DSCAM: variants seen among roughly 807,000 people sequenced by gnomAD.
DSCAM encodes the protein cell adhesion molecule DSCAM.
DSCAM carries 47 observed loss-of-function variants against 217.7 expected under a neutral mutation model. The ratio of observed to expected loss-of-function variants is 0.22; its 90% CI spans 0.17 to 0.28. DSCAM has a LOEUF of 0.28. Among genes scored for constraint, DSCAM ranks in the 10% least tolerant of loss-of-function variants. The pLI is 1.00. For synonymous variants in DSCAM, 1,056 were observed against 1,015.3 expected, an observed-to-expected ratio of 1.04 and a Z score of -0.76; for missense variants, 2,080 against 2,618.3, an observed-to-expected ratio of 0.79 and a Z score of 4.49.
chr21:40,194,861 A>G (rs1479277778), intron 11 of DSCAM, among the ~76,000 whole-genome samples: 1 of 152,132 alleles, frequency 6.6e-6, no homozygotes. Context: ...TGGTGGTAGT[A>G]TTTATACCAC....
In DSCAM at chr21:40,208,786, G is replaced by A. The variant is rs116530778; in HGVS notation, c.2357-19548C>T. ...TTGGGTTGCGAAACAGAAATATGGAGAGGCAGCTGCGGCTTTCACTGCCCT... is the reference window on the plus strand; with the variant it reads ...TTGGGTTGCGAAACAGAAATATGGAAAGGCAGCTGCGGCTTTCACTGCCCT... On this transcript the variant is annotated intron_variant, in intron 11 of 32. Transcript: ENST00000400454. Among the ~76,000 whole-genome samples the A allele has an allele frequency of 9.9e-3, 1,511 of 152,254 alleles. 30 individuals are homozygous for A. Among genetic ancestry groups the A allele is most frequent in the African/African-American group, 0.033 (1,357 of 41,542 alleles).
At chr21:40,769,939 C>T (rs965904943) in intron 1 of DSCAM, among the ~76,000 whole-genome samples, 3 of 152,188 alleles carry the variant, frequency 2.0e-5, no homozygotes, top group African/African-American at 4.8e-5. Context: ...CACTACCTGG[C>T]TATAAACTCC....
chr21:40,566,109 A>T (rs1477356017), intron 3 of DSCAM, among the ~76,000 whole-genome samples: 1 of 152,048 alleles, frequency 6.6e-6, no homozygotes, highest in Non-Finnish European at 1.5e-5. Context: ...TCTTTCACAT[A>T]TATTATTATT....
intron 1 of DSCAM, among the ~76,000 whole-genome samples, chr21:40,714,035 C>A (rs2090812928): frequency 6.6e-6 from 1 of 152,178 alleles, no homozygotes; most frequent in African/African-American, 2.4e-5. Context: ...TTGGTGGCAT[C>A]CATGTTGTGT....
intron 3 of DSCAM, among the ~76,000 whole-genome samples, chr21:40,478,662 A>C (rs2075957264): frequency 6.6e-6 from 1 of 152,200 alleles, no homozygotes; most frequent in East Asian, 1.9e-4. Flanking sequence ...TCTAACAATG[A>C]TCACTACTGT....
chr21:40,226,724 T>C (rs1351963639), intron 11 of DSCAM, among the ~76,000 whole-genome samples: 1 of 152,232 alleles, frequency 6.6e-6, no homozygotes, highest in East Asian at 1.9e-4. Context: ...ATGTTGTTTA[T>C]ACTTCAGCAA....
intron 3 of DSCAM, among the ~76,000 whole-genome samples, chr21:40,451,333 C>T (rs2075717727): frequency 6.6e-6 from 1 of 152,146 alleles, no homozygotes; most frequent in Non-Finnish European, 1.5e-5. Context: ...GCTTAGACAT[C>T]CCTTCTTTTT....
intron 9 of DSCAM, among the ~76,000 whole-genome samples, chr21:40,311,103 G>C (rs1194943274): frequency 6.6e-6 from 1 of 152,132 alleles, no homozygotes; most frequent in Non-Finnish European, 1.5e-5. Flanking sequence ...AAGGACATGA[G>C]AATCTCCTGC....
At chr21:40,497,759 T>G (rs745315181) in intron 3 of DSCAM, among the ~76,000 whole-genome samples, 6 of 152,212 alleles carry the variant, frequency 3.9e-5, no homozygotes, top group Non-Finnish European at 8.8e-5. Flanking sequence ...AATATACAAA[T>G]AAATTGTTTA....
chr21:40,315,444 A>G (rs931261101), intron 8 of DSCAM, among the ~76,000 whole-genome samples: 1 of 152,030 alleles, frequency 6.6e-6, no homozygotes, highest in Non-Finnish European at 1.5e-5. Context: ...GTTGTAAATA[A>G]TTGTAAAGTA....
chr21:40,682,819 G>A (rs113582607), intron 3 of DSCAM, among the ~76,000 whole-genome samples: 3 of 57,164 alleles, frequency 5.2e-5, no homozygotes, highest in South Asian at 8.3e-4. Context: ...GGAAGGGAAG[G>A]GAAGGGAAGG....
At chr21:40,367,016 T>C (rs2074840100) in intron 4 of DSCAM, among the ~76,000 whole-genome samples, 1 of 152,194 alleles carries the variant, frequency 6.6e-6, no homozygotes, top group Non-Finnish European at 1.5e-5. Context: ...ATTGAGCCGT[T>C]CCCCTGAGAG....
chr21:40,740,946 C>T (rs1334044195), intron 1 of DSCAM, among the ~76,000 whole-genome samples: 1 of 152,170 alleles, frequency 6.6e-6, no homozygotes, highest in Non-Finnish European at 1.5e-5. Context: ...GTCTCTCAAA[C>T]TGATTGACAA....
intron 2 of DSCAM, among the ~76,000 whole-genome samples, chr21:40,704,401 C>G (rs917103183): frequency 6.6e-6 from 1 of 152,088 alleles, no homozygotes; most frequent in Non-Finnish European, 1.5e-5. Flanking sequence ...TCATTTTATA[C>G]TATAATTTGT....
At chr21:40,030,522 G>C (rs2088500873) in intron 32 of DSCAM, among the ~76,000 whole-genome samples, 1 of 152,148 alleles carries the variant, frequency 6.6e-6, no homozygotes, top group Non-Finnish European at 1.5e-5. Context: ...GCTGAGCAAA[G>C]ATAAAGGCCA....
At position 40,264,895 on chromosome 21, in the gene DSCAM, C is replaced by G. The variant is rs1204199853; in HGVS notation, c.2356+11202G>C. On this transcript the variant is annotated intron_variant, in intron 11 of 32. Coordinates refer to ENST00000400454, the MANE Select transcript of DSCAM (RefSeq NM_001389.5). The stretch of plus-strand genomic sequence containing the variant: ...CTGCTATATACCAACAATGACCAAG[C>G]TGAGAATCAAACACGATCTCAGGCT... Among the ~76,000 whole-genome samples, 4 of 152,274 alleles carry G rather than the reference C, an allele frequency of 2.6e-5. No individual in the cohort carries two copies. In the East Asian group the frequency reaches 7.7e-4, roughly 29 times the overall value.
At position 40,189,564 on chromosome 21, in the gene DSCAM, T is replaced by C. The variant is rs144562347; in HGVS notation, c.2357-326A>G. On this transcript the variant is annotated intron_variant, in intron 11 of 32. Transcript: ENST00000400454. ...TGGCTGTGTCCCCACCCAAATCTCATCTGGAATTGTATGCCCATAATTCAT... is the reference window on the plus strand; with the variant it reads ...TGGCTGTGTCCCCACCCAAATCTCACCTGGAATTGTATGCCCATAATTCAT... 7.8e-3 allele frequency among the ~76,000 whole-genome samples: 1,195 copies of C among 152,258 alleles called. 17 individuals carry two copies. Among genetic ancestry groups the C allele is most frequent in the African/African-American group, 0.028 (1,158 of 41,558 alleles).
At chr21:40,484,576 A>G (rs2076009120) in intron 3 of DSCAM, among the ~76,000 whole-genome samples, 1 of 151,966 alleles carries the variant, frequency 6.6e-6, no homozygotes, top group African/African-American at 2.4e-5. Flanking sequence ...TTTGTATGAA[A>G]CTCATGATTT....
rs1296347127 is a variant in DSCAM, at chr21:40,011,608, C to T, written c.*1426G>A. On this transcript the variant is annotated 3_prime_UTR_variant, in exon 33 of 33. Transcript: ENST00000400454. The stretch of plus-strand genomic sequence containing the variant: ...TGCAGCCAGGGGAGGATTACATCCT[C>T]TTTCATAAAGCAAACCCTGTGAGGG... The T allele has an allele frequency of 1.6e-5, 2 of 127,594 alleles. No individual in the cohort carries two copies. The highest frequency in any genetic ancestry group is 3.3e-5 in the Non-Finnish European group (2 of 60,360). 7.9% of individuals were successfully genotyped at this position (127,594 alleles called of 1,614,324 possible).
Sources: allele counts gnomAD v4.1 joint callset (sites outside exome capture counted in the v4.1 genomes callset), GRCh38; gene constraint gnomAD v4.1.1; transcripts MANE v1.5; gene names NCBI Gene and HGNC (gene_info 2026-07-23, HGNC 2026-07-21).